Variants in ADK observed in about 807,000 individuals in gnomAD.
ADK encodes the protein adenosine kinase.
A neutral mutation model predicts 44.7 loss-of-function variants in ADK; 24 were observed. That is an observed-to-expected ratio of 0.54 (90% confidence interval 0.39 to 0.76). The LOEUF (loss-of-function observed/expected upper bound fraction) is 0.76. Ranked by LOEUF, ADK falls within the 30% of genes least tolerant of loss-of-function variation. The pLI is 0.00. For synonymous variants in ADK, 128 were observed against 142.6 expected, an observed-to-expected ratio of 0.90 and a Z score of 0.73; for missense variants, 321 against 425.1, an observed-to-expected ratio of 0.76 and a Z score of 2.15.
intron 1 of ADK, among the ~76,000 whole-genome samples, chr10:74,175,195 A>G (rs1294599856): frequency 6.6e-6 from 1 of 152,244 alleles, no homozygotes; most frequent in Non-Finnish European, 1.5e-5. Context: ...AGCCTGGCCA[A>G]CATGGTGAAA....
intron 2 of ADK, among the ~76,000 whole-genome samples, chr10:74,206,362 C>T (rs1362898355): frequency 6.6e-6 from 1 of 152,156 alleles, no homozygotes; most frequent in African/African-American, 2.4e-5. Context: ...AGCTCATTGG[C>T]ACTAGTTTTG....
At chr10:74,397,380 T>C (rs952164704) in intron 5 of ADK, among the ~76,000 whole-genome samples, 4 of 151,996 alleles carry the variant, frequency 2.6e-5, no homozygotes, top group African/African-American at 2.4e-5. Flanking sequence ...GCTATAACTG[T>C]TACAATTTAA....
rs767645195 is a variant in ADK at position 74,525,378 on chromosome 10, A to G, written c.678A>G (p.Ser226=). 4 of 1,613,562 alleles carry G rather than the reference A, an allele frequency of 2.5e-6. No individual in the cohort carries two copies. The highest frequency in any genetic ancestry group is 2.7e-5 in the African/African-American group (2 of 74,936). ...APFISQFYKE[S]LMKVMPYVDI... The stretch of plus-strand genomic sequence containing the variant: ...TTATTAGCCAGTTCTACAAGGAATC[A>G]TTGATGAAAGTTATGCCTTATGTTG... Residue 226 remains serine, a synonymous_variant, in exon 7 of 11, where the codon TCA becomes TCG. Coordinates refer to ENST00000539909, the MANE Select transcript of ADK (RefSeq NM_006721.4).
intron 6 of ADK, among the ~76,000 whole-genome samples, chr10:74,481,126 G>A (rs556523022): frequency 2.0e-5 from 3 of 151,974 alleles, no homozygotes; most frequent in African/African-American, 7.2e-5. Flanking sequence ...TCCTTTTATT[G>A]CATTTCTTCC....
chr10:74,648,298 A>G (rs1044474964), intron 9 of ADK, among the ~76,000 whole-genome samples: 4 of 152,188 alleles, frequency 2.6e-5, no homozygotes, highest in African/African-American at 9.7e-5. Context: ...AGCCATATGA[A>G]GAAATAAAGA....
intron 6 of ADK, among the ~76,000 whole-genome samples, chr10:74,508,782 T>C (rs1209129614): frequency 6.6e-6 from 1 of 152,206 alleles, no homozygotes; most frequent in African/African-American, 2.4e-5. Context: ...GTGTTTGATA[T>C]GGCTCTTACA....
chr10:74,591,763 G>A (rs1851730201), intron 8 of ADK, among the ~76,000 whole-genome samples: 1 of 152,152 alleles, frequency 6.6e-6, no homozygotes, highest in Admixed American at 6.5e-5. Flanking sequence ...TTTGGAGCAT[G>A]AATGAGAAGA....
chr10:74,458,350 G>A (rs1344308408), intron 6 of ADK, among the ~76,000 whole-genome samples: 1 of 146,184 alleles, frequency 6.8e-6, no homozygotes, highest in Non-Finnish European at 1.5e-5. Context: ...TGTTACTCAG[G>A]CTGTTTTCTA....
chr10:74,340,912 G>A (rs1218797172), intron 4 of ADK, among the ~76,000 whole-genome samples: 2 of 152,144 alleles, frequency 1.3e-5, no homozygotes, highest in Non-Finnish European at 2.9e-5. Context: ...TGGAACATTG[G>A]AACATTGTGT....
intron 4 of ADK, 72 bp from the exon 5 acceptor site, chr10:74,394,069 T>C: frequency 7.7e-6 from 11 of 1,435,034 alleles, no homozygotes; most frequent in Non-Finnish European, 1.1e-5. Context: ...CACATCACTA[T>C]CTGTGGCAGA....
intron 10 of ADK, among the ~76,000 whole-genome samples, chr10:74,689,138 A>G (rs1364399799): frequency 2.0e-5 from 3 of 151,516 alleles, no homozygotes; most frequent in African/African-American, 7.3e-5. Context: ...AGTCCCAGCT[A>G]CTCGGGAGGC....
At chr10:74,362,338 G>T (rs1842361185) in intron 4 of ADK, among the ~76,000 whole-genome samples, 1 of 147,900 alleles carries the variant, frequency 6.8e-6, no homozygotes, top group Non-Finnish European at 1.5e-5. Context: ...TTCTGCTTCT[G>T]TTGCTCTCTA....
intron 6 of ADK, among the ~76,000 whole-genome samples, chr10:74,408,526 G>T (rs1844040040): frequency 6.6e-6 from 1 of 152,174 alleles, no homozygotes; most frequent in African/African-American, 2.4e-5. Flanking sequence ...CCAAGTTGTG[G>T]TGAGAAAGTA....
intron 7 of ADK, among the ~76,000 whole-genome samples, chr10:74,554,585 A>G (rs16931504): frequency 0.031 from 4,735 of 152,264 alleles, 213 homozygotes; most frequent in African/African-American, 0.095. Context: ...GAACATTGTC[A>G]TTGACTATAA....
intron 3 of ADK, among the ~76,000 whole-genome samples, chr10:74,244,714 AT>A (rs1845348644): frequency 6.6e-6 from 1 of 152,104 alleles, no homozygotes; most frequent in African/African-American, 2.4e-5. Context: ...AAACATTTTG[AT>A]TTTTTTATGT....
chr10:74,271,419 A>C (rs973423818), intron 3 of ADK, among the ~76,000 whole-genome samples: 55 of 151,528 alleles, frequency 3.6e-4, no homozygotes, highest in African/African-American at 1.1e-3. Flanking sequence ...GTTTTTTCTT[A>C]TTATTATTAT....
At chr10:74,567,937 A>G (rs112009581) in intron 7 of ADK, among the ~76,000 whole-genome samples, 7,162 of 151,760 alleles carry the variant, frequency 0.047, 524 homozygotes, top group African/African-American at 0.15. Flanking sequence ...CTGACCTCGT[A>G]ATCCGCCCGC....
At chr10:74,467,880 T>C (rs1846419178) in intron 6 of ADK, among the ~76,000 whole-genome samples, 1 of 152,168 alleles carries the variant, frequency 6.6e-6, no homozygotes, top group South Asian at 2.1e-4. Context: ...TTAATAAACA[T>C]TTTTATGAAA....
intron 4 of ADK, among the ~76,000 whole-genome samples, chr10:74,376,321 C>T (rs1842818689): frequency 6.6e-6 from 1 of 152,004 alleles, no homozygotes; most frequent in Non-Finnish European, 1.5e-5. Context: ...GAAGAAATAA[C>T]ATTTTAGGGT....
Sources: allele counts gnomAD v4.1 joint callset (sites outside exome capture counted in the v4.1 genomes callset), GRCh38; gene constraint gnomAD v4.1.1; transcripts MANE v1.5; gene names NCBI Gene and HGNC (gene_info 2026-07-23, HGNC 2026-07-21).